The following SLC4A10 variants were observed in gnomAD, a reference collection of about 807,000 sequenced individuals.
The protein encoded by SLC4A10 is solute carrier family 4 member 10.
SLC4A10 carries 42 observed loss-of-function variants against 137.7 expected under a neutral mutation model. The observed-to-expected ratio is 0.30, with a 90% confidence interval of 0.24 to 0.39. The LOEUF is 0.39. Ranked by LOEUF, SLC4A10 falls within the 10% of genes least tolerant of loss-of-function variation. The pLI is 1.00. For missense variants in SLC4A10, 925 were observed against 1,355.0 expected (o/e 0.68, Z 4.98); for synonymous variants, 474 against 464.1 (o/e 1.02, Z -0.27).
chr2:161,685,631 CAAACAA>C (rs376080753), intron 1 of SLC4A10, among the ~76,000 whole-genome samples: 4,842 of 145,814 alleles, frequency 0.033, 257 homozygotes, highest in African/African-American at 0.12. Context: ...AACAAACAAA[CAAACAA>C]AAAAAAAAAC....
At chr2:161,740,069 G>A (rs950115691) in intron 1 of SLC4A10, among the ~76,000 whole-genome samples, 2 of 152,178 alleles carry the variant, frequency 1.3e-5, no homozygotes, top group Admixed American at 6.5e-5. Flanking sequence ...GCTTTTACCA[G>A]GGTTTTGATG....
chr2:161,879,780 G>A (rs1165369520), intron 9 of SLC4A10, among the ~76,000 whole-genome samples: 2 of 151,946 alleles, frequency 1.3e-5, no homozygotes, highest in Non-Finnish European at 2.9e-5. Flanking sequence ...TCAATCCTAG[G>A]CACAGTGGGC....
chr2:161,967,040 G>A lies in SLC4A10; in HGVS notation c.3159+1867G>A, dbSNP rs1479930932. 2.0e-5 allele frequency among the ~76,000 whole-genome samples: 3 copies of A among 152,114 alleles called. No homozygotes were observed. The East Asian group carries it at 5.8e-4, about 29-fold the overall frequency. On this transcript the variant is annotated intron_variant, in intron 23 of 26. Coordinates refer to ENST00000446997, the MANE Select transcript of SLC4A10 (RefSeq NM_001178015.2). ...CTTGCCTTTCAGTCTTTTTGATAAT[G>A]TCAGTACAGCAGACCCTTGAATAAT...
At chr2:161,818,111 A>G (rs987895477) in intron 3 of SLC4A10, among the ~76,000 whole-genome samples, 1 of 152,162 alleles carries the variant, frequency 6.6e-6, no homozygotes, top group Non-Finnish European at 1.5e-5. Flanking sequence ...CCTACCCATG[A>G]GCATGGAATG....
At chr2:161,836,940 T>C (rs2058855060) in intron 3 of SLC4A10, among the ~76,000 whole-genome samples, 1 of 152,224 alleles carries the variant, frequency 6.6e-6, no homozygotes, top group Non-Finnish European at 1.5e-5. Flanking sequence ...TCCAGGATTC[T>C]ATATCCACTG....
At chr2:161,811,334 A>G (rs191614191) in intron 3 of SLC4A10, among the ~76,000 whole-genome samples, 6 of 152,010 alleles carry the variant, frequency 3.9e-5, no homozygotes, top group African/African-American at 1.2e-4. Context: ...TTATCTTTGT[A>G]TGGACTTTTG....
intron 1 of SLC4A10, among the ~76,000 whole-genome samples, chr2:161,652,884 G>T (rs1574119113): frequency 6.6e-6 from 1 of 150,654 alleles, no homozygotes; most frequent in African/African-American, 2.4e-5. Flanking sequence ...TAAGTTCCAG[G>T]ATACATGTGC....
intron 9 of SLC4A10, among the ~76,000 whole-genome samples, chr2:161,879,707 TG>T (rs996509808): frequency 1.3e-5 from 2 of 152,016 alleles, no homozygotes; most frequent in African/African-American, 4.8e-5. Flanking sequence ...TGCTTACACT[TG>T]AATAAGAAGG....
At chr2:161,662,690 T>C (rs754013500) in intron 1 of SLC4A10, among the ~76,000 whole-genome samples, 1 of 152,186 alleles carries the variant, frequency 6.6e-6, no homozygotes, top group Non-Finnish European at 1.5e-5. Flanking sequence ...CATATGCATA[T>C]ATTTATAAAT....
intron 1 of SLC4A10, among the ~76,000 whole-genome samples, chr2:161,627,866 GAGA>G (rs1312586765): frequency 1.3e-5 from 2 of 152,066 alleles, no homozygotes; most frequent in Non-Finnish European, 2.9e-5. Flanking sequence ...CTTGGTGCTG[GAGA>G]TGCAGCAATA....
chr2:161,854,797 T>TG (rs1266565167), intron 4 of SLC4A10, among the ~76,000 whole-genome samples, 173 bp from the exon 5 acceptor site: 11 of 152,168 alleles, frequency 7.2e-5, no homozygotes, highest in Non-Finnish European at 1.3e-4. Context: ...ATGAGTTAAA[T>TG]GGAATTAAAA....
intron 6 of SLC4A10, among the ~76,000 whole-genome samples, chr2:161,869,944 C>G (rs1381999202): frequency 6.6e-6 from 1 of 151,370 alleles, no homozygotes; most frequent in Non-Finnish European, 1.5e-5. Context: ...CTAGGACTAG[C>G]AAGAAGTTTA....
intron 8 of SLC4A10, among the ~76,000 whole-genome samples, chr2:161,874,487 A>G (rs895547335): frequency 6.6e-6 from 1 of 152,248 alleles, no homozygotes; most frequent in Non-Finnish European, 1.5e-5. Context: ...GAAGATTGCC[A>G]GTTGTAGGCA....
intron 1 of SLC4A10, among the ~76,000 whole-genome samples, chr2:161,657,552 TA>T (rs1294139485): frequency 6.6e-6 from 1 of 152,014 alleles, no homozygotes. Context: ...TTATTATTAT[TA>T]TTTTTTTAAC....
chr2:161,698,116 A>G (rs956587107), intron 1 of SLC4A10, among the ~76,000 whole-genome samples: 1 of 152,072 alleles, frequency 6.6e-6, no homozygotes, highest in Non-Finnish European at 1.5e-5. Context: ...TTTGTCTGTT[A>G]TTGGTGTATA....
chr2:161,850,087 G>C (rs2059742467), intron 4 of SLC4A10, among the ~76,000 whole-genome samples: 1 of 151,960 alleles, frequency 6.6e-6, no homozygotes, highest in African/African-American at 2.4e-5. Flanking sequence ...GTGTGTTCAT[G>C]GTTTCAATTT....
intron 2 of SLC4A10, among the ~76,000 whole-genome samples, chr2:161,774,387 T>C (rs1270467345): frequency 6.6e-6 from 1 of 151,876 alleles, no homozygotes; most frequent in African/African-American, 2.4e-5. Flanking sequence ...ATGCAATATT[T>C]TTATTTATTA....
chr2:161,788,881 A>G (rs1021855753), intron 2 of SLC4A10, among the ~76,000 whole-genome samples: 1 of 152,156 alleles, frequency 6.6e-6, no homozygotes, highest in African/African-American at 2.4e-5. Context: ...TCCAAGTGCA[A>G]TCAGGTCAGC....
chr2:161,823,548 T>C (rs967561192), intron 3 of SLC4A10, among the ~76,000 whole-genome samples: 2 of 152,202 alleles, frequency 1.3e-5, no homozygotes, highest in Non-Finnish European at 2.9e-5. Context: ...AGTGCCACAG[T>C]GATGCTCGAA....
Sources: gnomAD v4.1 joint callset for allele counts (sites outside exome capture counted in the v4.1 genomes callset) on GRCh38, gnomAD v4.1.1 for gene constraint, MANE v1.5 for transcripts, NCBI Gene and HGNC (gene_info 2026-07-23, HGNC 2026-07-21) for gene names.